MIGA2: variants seen among roughly 807,000 people sequenced by gnomAD.
The protein encoded by MIGA2 is mitoguardin 2, also known as family with sequence similarity 73, member B.
In MIGA2, 36 loss-of-function variants were observed where a neutral mutation model predicts 69.9. The ratio of observed to expected loss-of-function variants is 0.52; its 90% CI spans 0.39 to 0.68. MIGA2 has a LOEUF of 0.68. Among genes scored for constraint, MIGA2 ranks in the 30% least tolerant of loss-of-function variants. The pLI is 0.00. For missense variants in MIGA2, 660 were observed against 787.7 expected, an observed-to-expected ratio of 0.84 and a Z score of 1.94; for synonymous variants, 333 against 349.2, an observed-to-expected ratio of 0.95 and a Z score of 0.52.
chr9:129,071,784 G>C lies in MIGA2; in HGVS notation c.*1331G>C, dbSNP rs1409370219. 1 of 152,442 alleles carries C rather than the reference G, an allele frequency of 6.6e-6. No individual in the cohort carries two copies. Among genetic ancestry groups the C allele is most frequent in the Admixed American group, 6.5e-5 (1 of 15,280 alleles). 9.4% of individuals were successfully genotyped at this position (152,442 alleles called of 1,614,324 possible). On this transcript the variant is annotated 3_prime_UTR_variant, in exon 16 of 16. Coordinates refer to ENST00000684074, the MANE Select transcript of MIGA2 (RefSeq NM_001329990.2). ...TGCCCGGAGGCAGCTTCCTGGGCAG[G>C]AGGGTTCCATGGGCACTAACCCACC...
rs1845451951 is a variant in MIGA2 at position 129,050,272 on chromosome 9, T to G, written c.675+309T>G. Among the ~76,000 whole-genome samples the G allele has an allele frequency of 2.6e-5, 4 of 152,144 alleles. No homozygotes were observed. The South Asian group carries it at 8.3e-4, about 32-fold the overall frequency. On this transcript the variant is annotated intron_variant, in intron 6 of 15. Coordinates refer to ENST00000684074, the MANE Select transcript of MIGA2 (RefSeq NM_001329990.2). ...TGGCTGCATTGCCTGGCCTTTGTTT[T>G]GTTTTGTTTTGTTTTGTTTTTGAGA... is the stretch of plus-strand genomic sequence containing the variant.
At chr9:129,062,752 G>T (rs1287562469) in intron 9 of MIGA2, among the ~76,000 whole-genome samples, 1 of 152,064 alleles carries the variant, frequency 6.6e-6, no homozygotes, top group Admixed American at 6.6e-5. Flanking sequence ...GCTGAGGCAG[G>T]AGAATCACTT....
intron 11 of MIGA2, among the ~76,000 whole-genome samples, chr9:129,064,993 G>C (rs1588412545): frequency 6.6e-6 from 1 of 152,020 alleles, no homozygotes. Context: ...ATGTTGCCCA[G>C]GAAGATCTCA....
chr9:129,043,684 G>A lies in MIGA2; in HGVS notation c.307+1170G>A, dbSNP rs536966084. 1.1e-3 allele frequency among the ~76,000 whole-genome samples: 174 copies of A among 151,598 alleles called. 2 individuals carry two copies. The Middle Eastern group carries it at 0.017, about 15-fold the overall frequency. Reference sequence around the variant, plus strand: ...TTACAGGTGTGAGCCACCGCACCCGGCCCCGGCCATCTTTCTACTCTTTTT... The same window carrying A: ...TTACAGGTGTGAGCCACCGCACCCGACCCCGGCCATCTTTCTACTCTTTTT... On this transcript the variant is annotated intron_variant, in intron 3 of 15. Transcript: ENST00000684074.
Position 129,069,328 on chromosome 9 carries a change from G to A in MIGA2, c.1458+199G>A. The A allele has an allele frequency of 1.5e-6, 1 of 651,374 alleles. No individual in the cohort carries two copies. The highest frequency in any genetic ancestry group is 2.7e-5 in the East Asian group (1 of 36,544). The allele number at this position is 651,374 out of a possible 1,614,324, so 40.3% of individuals were successfully genotyped here. ...TAGACCCACTTCCTCTCCTCCCCAG[G>A]CCCAGCACAGAGCAGGCCACTGGGG... On this transcript the variant is annotated intron_variant, in intron 14 of 15. Coordinates refer to ENST00000684074, the MANE Select transcript of MIGA2 (RefSeq NM_001329990.2). The surrounding 1 kb of genome is among the most constrained non-coding windows in gnomAD (Gnocchi z 4.9).
chr9:129,068,145 C>T lies in MIGA2; in HGVS notation c.1270-53C>T, dbSNP rs777608673. On this transcript the variant is annotated intron_variant, in intron 12 of 15. Coordinates refer to ENST00000684074, the MANE Select transcript of MIGA2 (RefSeq NM_001329990.2). The surrounding 1 kb of genome is among the most constrained non-coding windows in gnomAD (Gnocchi z 4.1). ...AGTCTCCCCATCTGGAAAGTGGCCC[C>T]GAGGCTCCGGCAGTGCCCCCATGCA... The T allele has an allele frequency of 2.1e-5, 34 of 1,612,558 alleles. No individual in the cohort carries two copies. The highest frequency in any genetic ancestry group is 1.6e-4 in the Middle Eastern group (1 of 6,082).
At chr9:129,044,362 C>G (rs1845095588) in intron 3 of MIGA2, among the ~76,000 whole-genome samples, 1 of 151,882 alleles carries the variant, frequency 6.6e-6, no homozygotes, top group Non-Finnish European at 1.5e-5. Context: ...AAGAACTGTT[C>G]TATCGTTGTA....
chr9:129,064,983 A>C (rs114623955), intron 11 of MIGA2, among the ~76,000 whole-genome samples: 4,914 of 151,632 alleles, frequency 0.032, 188 homozygotes, highest in South Asian at 0.098. Context: ...GGGTTTTGCT[A>C]TGTTGCCCAG....
At position 129,070,674 on chromosome 9, in the gene MIGA2, G is replaced by A. The variant is rs1426723370; in HGVS notation, c.*221G>A. The A allele has an allele frequency of 7.1e-6, 4 of 565,244 alleles. No individual in the cohort carries two copies. In the African/African-American group the frequency reaches 7.5e-5, roughly 11 times the overall value. The allele number at this position is 565,244 out of a possible 1,614,324, so 35.0% of individuals were successfully genotyped here. A position where few individuals can be genotyped will look rare whatever the true frequency, so the allele number is the denominator to read the frequency against. On this transcript the variant is annotated 3_prime_UTR_variant, in exon 16 of 16. Coordinates refer to ENST00000684074, the MANE Select transcript of MIGA2 (RefSeq NM_001329990.2). ...GGGGCCTGTGGGAGAGAAAGGCTGT[G>A]AGAGAGGGGGTTGTTGTGGAGAATT...
chr9:129,037,118 G>A (rs918108442), intron 1 of MIGA2: 112 of 930,546 alleles, frequency 1.2e-4, no homozygotes, highest in Non-Finnish European at 1.4e-4. Flanking sequence ...ATATTGCTGA[G>A]GTCCAACGCG....
At chr9:129,047,776 C>G (rs906133817) in intron 3 of MIGA2, among the ~76,000 whole-genome samples, 1 of 151,930 alleles carries the variant, frequency 6.6e-6, no homozygotes, top group Non-Finnish European at 1.5e-5. Context: ...GCTTCCCAGT[C>G]TGGAATGAAG....
At chr9:129,063,662 A>T (rs780796772) in intron 11 of MIGA2, 31 bp downstream of exon 11, 1 of 1,606,264 alleles carries the variant, frequency 6.2e-7, no homozygotes, top group South Asian at 1.1e-5. Flanking sequence ...GGGGCAAATT[A>T]TAAAATGCAA....
At chr9:129,053,341 G>A (rs957891888) in intron 6 of MIGA2, among the ~76,000 whole-genome samples, 1 of 151,936 alleles carries the variant, frequency 6.6e-6, no homozygotes, top group African/African-American at 2.4e-5. Context: ...ATTCCTTCAG[G>A]CATTTTTTTC....
At chr9:129,063,034 T>A in intron 9 of MIGA2, 1 of 598,342 alleles carries the variant, frequency 1.7e-6, no homozygotes, top group Non-Finnish European at 3.0e-6. Flanking sequence ...TGACACGTCC[T>A]CAGAGATCAT....
At chr9:129,062,476 G>A (rs1409469383) in intron 9 of MIGA2, among the ~76,000 whole-genome samples, 1 of 149,436 alleles carries the variant, frequency 6.7e-6, no homozygotes, top group Non-Finnish European at 1.5e-5. Flanking sequence ...AGGTTGCAGT[G>A]AGTGGAGATC....
intron 15 of MIGA2, 73 bp from the exon 16 acceptor site, chr9:129,070,174 A>T: frequency 1.3e-6 from 2 of 1,534,910 alleles, no homozygotes; most frequent in Admixed American, 3.5e-5. Context: ...GGACAAGGGG[A>T]CTTCAGGTAA....
At position 129,063,642 on chromosome 9, in the gene MIGA2, GTGGGGT is replaced by G; in HGVS notation, c.1170+12_1170+17del. The G allele has an allele frequency of 6.4e-7, 1 of 1,559,428 alleles. No individual in the cohort carries two copies. The highest frequency in any genetic ancestry group is 8.8e-7 in the Non-Finnish European group (1 of 1,131,764). On this transcript the variant is annotated intron_variant, in intron 11 of 15. Transcript: ENST00000684074. Reference sequence around the variant, plus strand: ...ACCAAGGCTGAGAAGGTAGCAGGGGGTGGGGTGGGGGGGCAAATTATAAAATGCAAA... The same window carrying G: ...ACCAAGGCTGAGAAGGTAGCAGGGGGGGGGGGGCAAATTATAAAATGCAAA...
At chr9:129,043,713 T>A (rs1400318886) in intron 3 of MIGA2, among the ~76,000 whole-genome samples, 1 of 152,010 alleles carries the variant, frequency 6.6e-6, no homozygotes, top group East Asian at 1.9e-4. Context: ...TCTTTTTTTT[T>A]TTTGAGACGG....
chr9:129,041,597 A>G (rs1228164457), intron 2 of MIGA2, among the ~76,000 whole-genome samples: 2 of 152,202 alleles, frequency 1.3e-5, no homozygotes, highest in Non-Finnish European at 2.9e-5. Context: ...GGCCTCCTAA[A>G]GTGCTGGGTT....
Sources: gnomAD v4.1 joint callset for allele counts (sites outside exome capture counted in the v4.1 genomes callset) on GRCh38, gnomAD v4.1.1 for gene constraint, Gnocchi (gnomAD v3.1) non-coding constraint, MANE v1.5 for transcripts, NCBI Gene and HGNC (gene_info 2026-07-23, HGNC 2026-07-21) for gene names.